The following LAMA2 variants were observed in gnomAD, a reference collection of about 807,000 sequenced individuals.
The protein encoded by LAMA2 is laminin subunit alpha-2.
LAMA2 carries 269 observed loss-of-function variants against 364.8 expected under a neutral mutation model. That is an observed-to-expected ratio of 0.74 (90% CI 0.67 to 0.82). The LOEUF (loss-of-function observed/expected upper bound fraction) is 0.82, where lower values mean the gene tolerates loss of function less well. LAMA2 is among the 40% of genes least tolerant of loss of function. LAMA2 has a pLI of 0.00. For synonymous variants in LAMA2, 1,379 were observed against 1,370.6 expected, an observed-to-expected ratio of 1.01 and a Z score of -0.14; for missense variants, 3,807 against 3,873.2, an observed-to-expected ratio of 0.98 and a Z score of 0.45.
intron 9 of LAMA2, among the ~76,000 whole-genome samples, chr6:129,167,568 A>G (rs1779841087): frequency 6.6e-6 from 1 of 151,844 alleles, no homozygotes; most frequent in South Asian, 2.1e-4. Flanking sequence ...TCATTGTTGG[A>G]CATTTGGGTT....
intron 37 of LAMA2, among the ~76,000 whole-genome samples, chr6:129,393,576 C>A (rs2114675641): frequency 6.6e-6 from 1 of 152,278 alleles, no homozygotes; most frequent in Middle Eastern, 3.4e-3. Flanking sequence ...GACAACTGTG[C>A]CACTATCTAG....
At chr6:128,890,490 T>C (rs767852770) in intron 1 of LAMA2, among the ~76,000 whole-genome samples, 9 of 151,968 alleles carry the variant, frequency 5.9e-5, no homozygotes, top group Non-Finnish European at 1.0e-4. Context: ...TTTGGTATTA[T>C]GGAAGAACAA....
At chr6:129,477,988 C>A (rs9483031) in intron 53 of LAMA2, among the ~76,000 whole-genome samples, 96,356 of 151,762 alleles carry the variant, frequency 0.63, 31,581 homozygotes, top group Non-Finnish European at 0.72. Flanking sequence ...GGGTCTCACT[C>A]TGTTGCCTCA....
intron 12 of LAMA2, among the ~76,000 whole-genome samples, chr6:129,213,749 G>T (rs547582328): frequency 8.1e-4 from 123 of 152,074 alleles, no homozygotes; most frequent in African/African-American, 2.6e-3. Context: ...AGAGTTCTTT[G>T]TATGTTTTGG....
intron 6 of LAMA2, among the ~76,000 whole-genome samples, chr6:129,148,355 T>C (rs1778597901): frequency 1.3e-5 from 2 of 151,924 alleles, no homozygotes; most frequent in Admixed American, 6.6e-5. Flanking sequence ...GCCTATCAGA[T>C]GGAGGGAGGC....
chr6:129,505,680 T>TTGTACTTTTAATAGAGACGGGG (rs950368890), intron 61 of LAMA2, among the ~76,000 whole-genome samples: 23 of 151,960 alleles, frequency 1.5e-4, no homozygotes, highest in Admixed American at 1.3e-3. Flanking sequence ...GGCTAATTTT[T>TTGTACTTTTAATAGAGACGGGG]TGTACTTTTA....
intron 3 of LAMA2, among the ~76,000 whole-genome samples, chr6:129,086,242 T>A (rs975563440): frequency 1.3e-5 from 2 of 152,244 alleles, no homozygotes; most frequent in Non-Finnish European, 2.9e-5. Context: ...GTTGTGTTGG[T>A]TAGATATGTT....
At chr6:129,187,227 A>C (rs1781280779) in intron 10 of LAMA2, among the ~76,000 whole-genome samples, 1 of 151,706 alleles carries the variant, frequency 6.6e-6, no homozygotes, top group Non-Finnish European at 1.5e-5. Context: ...ATTTTGAAAA[A>C]ACAATGATGT....
chr6:129,401,770 T>A (rs1223990282), intron 38 of LAMA2, among the ~76,000 whole-genome samples: 3 of 152,244 alleles, frequency 2.0e-5, no homozygotes, highest in African/African-American at 7.2e-5. Context: ...ATGACATGTA[T>A]ACCTATGAAG....
At chr6:129,110,410 T>C (rs1776082699) in intron 4 of LAMA2, among the ~76,000 whole-genome samples, 1 of 152,082 alleles carries the variant, frequency 6.6e-6, no homozygotes, top group Non-Finnish European at 1.5e-5. Context: ...CTAGATTTGC[T>C]GGTTATTATC....
At chr6:129,164,055 G>GT (rs1779595551) in intron 8 of LAMA2, among the ~76,000 whole-genome samples, 1 of 152,018 alleles carries the variant, frequency 6.6e-6, no homozygotes, top group South Asian at 2.1e-4. Flanking sequence ...ACATTTTCCT[G>GT]TTTCTTTCCT....
intron 40 of LAMA2, 150 bp downstream of exon 40, chr6:129,404,109 C>A (rs2114698258): frequency 2.5e-6 from 2 of 797,576 alleles, no homozygotes; most frequent in Non-Finnish European, 4.0e-6. Flanking sequence ...AAAATAAATT[C>A]TCGGTATGCT....
At chr6:129,113,349 T>C (rs1234099444) in intron 4 of LAMA2, among the ~76,000 whole-genome samples, 1 of 152,032 alleles carries the variant, frequency 6.6e-6, no homozygotes, top group African/African-American at 2.4e-5. Flanking sequence ...TCAATCCAGT[T>C]GGCAGGAGAT....
At chr6:129,007,785 A>T (rs190638105) in intron 1 of LAMA2, among the ~76,000 whole-genome samples, 1 of 152,318 alleles carries the variant, frequency 6.6e-6, no homozygotes. Flanking sequence ...TACATTGAGC[A>T]TACCTAAATT....
At chr6:129,052,015 GT>G (rs1198705592) in intron 2 of LAMA2, among the ~76,000 whole-genome samples, 7 of 142,010 alleles carry the variant, frequency 4.9e-5, no homozygotes, top group African/African-American at 1.8e-4. Context: ...ATATATATAT[GT>G]AGAGAGAGAG....
rs192420014 is a variant in LAMA2 at position 128,920,548 on chromosome 6, T to C, written c.112+37191T>C. The stretch of plus-strand genomic sequence containing the variant: ...TATTTCTGTACCCATATTGGCTCTA[T>C]TCTTCCCCTAATCAAACCCTTTTCC... On this transcript the variant is annotated intron_variant, in intron 1 of 64. Coordinates refer to ENST00000421865, the MANE Select transcript of LAMA2 (RefSeq NM_000426.4). 1.6e-3 allele frequency among the ~76,000 whole-genome samples: 247 copies of C among 152,252 alleles called. 3 individuals carry two copies. Among genetic ancestry groups the C allele is most frequent in the Middle Eastern group, 0.014 (4 of 294 alleles).
At chr6:129,152,472 T>C (rs1778866251) in intron 7 of LAMA2, among the ~76,000 whole-genome samples, 1 of 152,202 alleles carries the variant, frequency 6.6e-6, no homozygotes, top group African/African-American at 2.4e-5. Flanking sequence ...ATTTACCCTA[T>C]AGATATATTC....
At chr6:128,942,170 T>C (rs1300658116) in intron 1 of LAMA2, among the ~76,000 whole-genome samples, 3 of 152,200 alleles carry the variant, frequency 2.0e-5, no homozygotes, top group Admixed American at 2.0e-4. Flanking sequence ...TTAAGCTTTT[T>C]TCATAGCCAT....
At chr6:129,228,546 G>A (rs369423486) in intron 12 of LAMA2, among the ~76,000 whole-genome samples, 29 of 152,098 alleles carry the variant, frequency 1.9e-4, no homozygotes, top group African/African-American at 6.5e-4. Context: ...TTAAAATATT[G>A]TTTATTTCAT....
Sources: allele counts gnomAD v4.1 joint callset (sites outside exome capture counted in the v4.1 genomes callset), GRCh38; gene constraint gnomAD v4.1.1; transcripts MANE v1.5; gene names NCBI Gene and HGNC (gene_info 2026-07-23, HGNC 2026-07-21).